CDH12: variants seen among roughly 807,000 people sequenced by gnomAD.
CDH12 encodes the protein cadherin-12.
CDH12 carries 41 observed loss-of-function variants against 74.1 expected under a neutral mutation model. The ratio of observed to expected loss-of-function variants is 0.55; its 90% CI spans 0.43 to 0.72. The LOEUF is 0.72. Among genes scored for constraint, CDH12 ranks in the 30% least tolerant of loss-of-function variants. The pLI is 0.00. For missense variants in CDH12, 945 were observed against 977.2 expected (o/e 0.97, Z 0.44); for synonymous variants, 399 against 355.0 (o/e 1.12, Z -1.39).
intron 1 of CDH12, among the ~76,000 whole-genome samples, chr5:22,569,462 C>A (rs754979371): frequency 4.6e-5 from 7 of 152,160 alleles, no homozygotes; most frequent in Non-Finnish European, 7.3e-5. Context: ...GCCTGCAGAA[C>A]CATGAGCCAA....
At chr5:21,839,125 C>T (rs1749699731) in intron 8 of CDH12, among the ~76,000 whole-genome samples, 1 of 152,138 alleles carries the variant, frequency 6.6e-6, no homozygotes, top group African/African-American at 2.4e-5. Context: ...TTACAGCTTG[C>T]CACACTTAAG....
At chr5:21,870,133 T>G (rs1751540503) in intron 6 of CDH12, among the ~76,000 whole-genome samples, 1 of 152,180 alleles carries the variant, frequency 6.6e-6, no homozygotes, top group African/African-American at 2.4e-5. Flanking sequence ...CTCTTTGCCT[T>G]TTGCCATGAT....
At chr5:22,475,736 TA>T (rs1392596125) in intron 2 of CDH12, among the ~76,000 whole-genome samples, 4 of 152,038 alleles carry the variant, frequency 2.6e-5, no homozygotes, top group Non-Finnish European at 4.4e-5. Context: ...TTTTAATCTT[TA>T]AAAACATATA....
At chr5:22,460,746 G>A (rs1191106146) in intron 2 of CDH12, among the ~76,000 whole-genome samples, 1 of 77,700 alleles carries the variant, frequency 1.3e-5, no homozygotes, top group Non-Finnish European at 2.2e-5. Flanking sequence ...TTTAGACGAT[G>A]TCTTCCTCTT....
chr5:21,826,673 T>A (rs1243815425), intron 8 of CDH12, among the ~76,000 whole-genome samples: 1 of 152,114 alleles, frequency 6.6e-6, no homozygotes, highest in African/African-American at 2.4e-5. Flanking sequence ...TTTTAGAAAA[T>A]CCATGTGTGT....
chr5:21,915,820 T>G lies in CDH12; in HGVS notation c.526+59271A>C, dbSNP rs1347131056. On this transcript the variant is annotated intron_variant, in intron 6 of 14. Coordinates refer to ENST00000382254, the MANE Select transcript of CDH12 (RefSeq NM_004061.5). Reference sequence around the variant, plus strand: ...GGGTACACCAGTTTCTGATCATTTGTGCTGTGTGTGTGTGTGTGTGTGTGT... The same window carrying G: ...GGGTACACCAGTTTCTGATCATTTGGGCTGTGTGTGTGTGTGTGTGTGTGT... Among the ~76,000 whole-genome samples, 3 of 91,724 alleles carry G rather than the reference T, an allele frequency of 3.3e-5. No individual in the cohort carries two copies. In the East Asian group the frequency reaches 1.3e-3, roughly 38 times the overall value. The allele number at this position is 91,724 out of a possible 152,430, so 60.2% of individuals were successfully genotyped here.
intron 1 of CDH12, among the ~76,000 whole-genome samples, chr5:22,849,587 T>C (rs144894443): frequency 6.6e-6 from 1 of 152,264 alleles, no homozygotes; most frequent in Non-Finnish European, 1.5e-5. Flanking sequence ...AAAAACTTAA[T>C]ACATTTGAAG....
chr5:22,147,649 C>A (rs535342710), intron 4 of CDH12, among the ~76,000 whole-genome samples: 43 of 150,186 alleles, frequency 2.9e-4, no homozygotes, highest in Admixed American at 8.0e-4. Context: ...GGAGGCCTCA[C>A]AATCATGGCA....
chr5:22,096,344 T>C (rs1743779444), intron 4 of CDH12, among the ~76,000 whole-genome samples: 1 of 152,130 alleles, frequency 6.6e-6, no homozygotes, highest in African/African-American at 2.4e-5. Flanking sequence ...CATTCTTTTA[T>C]ACATTGGTCC....
intron 3 of CDH12, among the ~76,000 whole-genome samples, chr5:22,250,725 C>T (rs1229769051): frequency 1.3e-5 from 2 of 152,230 alleles, no homozygotes; most frequent in East Asian, 1.9e-4. Flanking sequence ...ACGTGGTTTC[C>T]CGACGTGAGG....
intron 3 of CDH12, among the ~76,000 whole-genome samples, chr5:22,370,589 TA>T (rs1435566493): frequency 1.3e-5 from 2 of 152,168 alleles, no homozygotes; most frequent in African/African-American, 4.8e-5. Context: ...AGTATTTTCC[TA>T]ACAGAAAAAT....
Position 22,776,210 on chromosome 5 carries a change from A to G in CDH12, c.-523+76848T>C, listed in dbSNP as rs561991980. On this transcript the variant is annotated intron_variant, in intron 1 of 14. Transcript: ENST00000382254. ...TTTCTTGGACAGGTTAACTAATTACATAGTAAACTTGCACACCCACCACAA... is the reference window on the plus strand; with the variant it reads ...TTTCTTGGACAGGTTAACTAATTACGTAGTAAACTTGCACACCCACCACAA... Among the ~76,000 whole-genome samples the G allele has an allele frequency of 9.8e-5, 15 of 152,302 alleles. 1 individual carries two copies. In the East Asian group the frequency reaches 2.7e-3, roughly 27 times the overall value.
intron 3 of CDH12, among the ~76,000 whole-genome samples, chr5:22,382,212 T>G (rs1580588463): frequency 6.8e-6 from 1 of 146,252 alleles, no homozygotes; most frequent in South Asian, 2.1e-4. Flanking sequence ...ATTTATATAT[T>G]TAAAATATAT....
chr5:22,097,066 C>T (rs1417803318), intron 4 of CDH12, among the ~76,000 whole-genome samples: 1 of 152,186 alleles, frequency 6.6e-6, no homozygotes, highest in Non-Finnish European at 1.5e-5. Context: ...AATGCCTGAA[C>T]CGCAGCTGCC....
At chr5:22,540,635 GTACCT>G (rs1044460298) in intron 1 of CDH12, among the ~76,000 whole-genome samples, 2 of 152,052 alleles carry the variant, frequency 1.3e-5, no homozygotes, top group African/African-American at 4.8e-5. Context: ...ATTTCTTTTA[GTACCT>G]TACTAGTCTG....
At chr5:22,316,359 G>A (rs1245070140) in intron 3 of CDH12, among the ~76,000 whole-genome samples, 1 of 151,608 alleles carries the variant, frequency 6.6e-6, no homozygotes, top group African/African-American at 2.4e-5. Flanking sequence ...CACAAAATAT[G>A]TTAAAAATAA....
intron 3 of CDH12, among the ~76,000 whole-genome samples, chr5:22,326,875 A>G (rs1304966076): frequency 2.0e-5 from 3 of 152,228 alleles, no homozygotes; most frequent in Non-Finnish European, 2.9e-5. Context: ...CCAGCTATAT[A>G]TATATTGTAT....
intron 5 of CDH12, among the ~76,000 whole-genome samples, chr5:22,020,741 A>C (rs1173233381): frequency 2.0e-5 from 3 of 151,700 alleles, no homozygotes; most frequent in Non-Finnish European, 4.4e-5. Flanking sequence ...AATTGTATTG[A>C]GTTATCCCCC....
At chr5:22,707,162 A>G (rs1168340937) in intron 1 of CDH12, among the ~76,000 whole-genome samples, 1 of 152,190 alleles carries the variant, frequency 6.6e-6, no homozygotes, top group Non-Finnish European at 1.5e-5. Context: ...AAGACACAAC[A>G]TTAAGCCTAC....
Sources: allele counts gnomAD v4.1 joint callset (sites outside exome capture counted in the v4.1 genomes callset), GRCh38; gene constraint gnomAD v4.1.1; transcripts MANE v1.5; gene names NCBI Gene and HGNC (gene_info 2026-07-23, HGNC 2026-07-21).